The following SLC2A9 variants were observed in gnomAD, a reference collection of about 807,000 sequenced individuals.
The protein encoded by SLC2A9 is solute carrier family 2 member 9, also known as solute carrier family 2, facilitated glucose transporter member 9.
SLC2A9 carries 39 observed loss-of-function variants against 50.6 expected under a neutral mutation model. The ratio of observed to expected loss-of-function variants is 0.77; its 90% CI spans 0.60 to 1.01. The LOEUF (loss-of-function observed/expected upper bound fraction) is 1.01, where lower values mean the gene tolerates loss of function less well. Among genes scored for constraint, SLC2A9 ranks in the 50% least tolerant of loss-of-function variants. SLC2A9 has a pLI of 0.00. For synonymous variants in SLC2A9, 324 were observed against 276.9 expected (o/e 1.17, Z -1.69); for missense variants, 686 against 677.6 (o/e 1.01, Z -0.14).
intron 6 of SLC2A9, among the ~76,000 whole-genome samples, chr4:9,921,198 A>G (rs908662261): frequency 3.9e-5 from 6 of 152,232 alleles, no homozygotes; most frequent in Admixed American, 2.0e-4. Context: ...TTGAGTGGAA[A>G]TAGTCCCAAA....
At chr4:9,875,792 T>A (rs1483258387) in intron 10 of SLC2A9, among the ~76,000 whole-genome samples, 1 of 152,180 alleles carries the variant, frequency 6.6e-6, no homozygotes, top group Non-Finnish European at 1.5e-5. Flanking sequence ...AACTCCAAGC[T>A]CCTGATTGGG....
intron 5 of SLC2A9, among the ~76,000 whole-genome samples, chr4:9,967,912 A>G (rs960238424): frequency 1.3e-5 from 2 of 152,094 alleles, no homozygotes. Context: ...TACAAAAGAA[A>G]TTTTGTATGT....
At chr4:9,885,018 T>C (rs565734600) in intron 10 of SLC2A9, among the ~76,000 whole-genome samples, 1 of 152,216 alleles carries the variant, frequency 6.6e-6, no homozygotes, top group South Asian at 2.1e-4. Context: ...GGGGCCTGTC[T>C]GGGGTGGGAG....
intron 8 of SLC2A9, among the ~76,000 whole-genome samples, chr4:9,904,227 G>C (rs1471103711): frequency 6.6e-6 from 1 of 152,196 alleles, no homozygotes; most frequent in East Asian, 1.9e-4. Context: ...TTGGAAATCA[G>C]AAGTCTAGAA....
chr4:9,941,892 A>G (rs373772605), intron 6 of SLC2A9, 21 bp downstream of exon 6: 60 of 1,613,736 alleles, frequency 3.7e-5, no homozygotes, highest in Admixed American at 6.7e-5. Context: ...GGAGCTGTGC[A>G]GGAAAGGGAA....
chr4:9,771,801 G>A (rs373812480), intron 1 of SLC2A9, among the ~76,000 whole-genome samples: 1 of 152,190 alleles, frequency 6.6e-6, no homozygotes, highest in African/African-American at 2.4e-5. Flanking sequence ...TTGGTGTGGG[G>A]TTTGAAATGT....
intron 3 of SLC2A9, among the ~76,000 whole-genome samples, chr4:9,991,120 T>C (rs1046717948): frequency 6.6e-6 from 1 of 152,222 alleles, no homozygotes; most frequent in African/African-American, 2.4e-5. Flanking sequence ...GGTGTGATTA[T>C]GCCCCAGAGC....
intron 2 of SLC2A9, among the ~76,000 whole-genome samples, chr4:10,000,300 T>C (rs955962198): frequency 1.3e-5 from 2 of 152,162 alleles, no homozygotes; most frequent in African/African-American, 4.8e-5. Context: ...GACACAGAGA[T>C]AAATGGAACA....
At chr4:9,998,548 A>G (rs546217138) in intron 2 of SLC2A9, among the ~76,000 whole-genome samples, 12 of 152,330 alleles carry the variant, frequency 7.9e-5, no homozygotes, top group African/African-American at 2.9e-4. Flanking sequence ...GTCTGCTGGT[A>G]GGAGTTTGAC....
intron 5 of SLC2A9, among the ~76,000 whole-genome samples, chr4:9,946,836 G>GA (rs1261443673): frequency 6.6e-6 from 1 of 152,002 alleles, no homozygotes; most frequent in African/African-American, 2.4e-5. Flanking sequence ...CCCATTCTAG[G>GA]GGCTCATGTC....
In SLC2A9 at chr4:9,920,430, G is replaced by A. The variant is rs770758004; in HGVS notation, c.957C>T (p.Thr319=). 39 of 1,614,020 alleles carry A rather than the reference G, an allele frequency of 2.4e-5. No homozygotes were observed. In the East Asian group the frequency reaches 2.9e-4, roughly 12 times the overall value. Residue 319 remains threonine (T), a synonymous_variant, in exon 7 of 12, where the codon ACC becomes ACT. Transcript: ENST00000264784. ...GGTAGCAGGCCATGGTGACAATCAC[G>A]GTGACCACCTGCCAGCGGACGTAGG... is the stretch of plus-strand genomic sequence containing the variant. ...RAPYVRWQVV[T]VIVTMACYQL... is the part of the protein sequence containing the mutation.
intron 6 of SLC2A9, among the ~76,000 whole-genome samples, chr4:9,941,150 T>C (rs139350408): frequency 3.1e-4 from 47 of 152,328 alleles, no homozygotes; most frequent in Admixed American, 8.5e-4. Flanking sequence ...TCTCATTTTA[T>C]AAAACTAAAA....
At chr4:10,025,605 T>G, upstream of SLC2A9, 1 of 389,098 alleles carries the variant, frequency 2.6e-6, no homozygotes, top group Non-Finnish European at 4.8e-6. Flanking sequence ...GATGACATAA[T>G]CATTGTCAAC....
At chr4:9,871,689 G>C (rs1039937769) in intron 10 of SLC2A9, among the ~76,000 whole-genome samples, 2 of 152,164 alleles carry the variant, frequency 1.3e-5, no homozygotes, top group Non-Finnish European at 2.9e-5. Context: ...GTCACATTCT[G>C]AGGTTCTGAG....
chr4:9,964,382 C>A (rs563605953), intron 5 of SLC2A9, among the ~76,000 whole-genome samples: 2 of 152,168 alleles, frequency 1.3e-5, no homozygotes, highest in Non-Finnish European at 2.9e-5. Context: ...TCTGAAGTGG[C>A]AGGAAGAATG....
chr4:9,808,856 G>A (rs1367797438), intron 3 of SLC2A9, among the ~76,000 whole-genome samples: 1 of 152,110 alleles, frequency 6.6e-6, no homozygotes, highest in South Asian at 2.1e-4. Flanking sequence ...AACTCCAGGG[G>A]CACCATTCAC....
upstream of SLC2A9, among the ~76,000 whole-genome samples, chr4:10,024,840 T>C (rs186727677): frequency 1.9e-3 from 290 of 152,360 alleles, no homozygotes; most frequent in Middle Eastern, 6.8e-3. Context: ...GGGTTTTCTA[T>C]TGAGTATCAT....
At chr4:9,815,077 C>T (rs929824731) in intron 3 of SLC2A9, among the ~76,000 whole-genome samples, 1 of 152,036 alleles carries the variant, frequency 6.6e-6, no homozygotes. Context: ...AGAAAATAAC[C>T]CAATGATATT....
intron 1 of SLC2A9, among the ~76,000 whole-genome samples, chr4:10,030,953 G>A (rs1241074573): frequency 3.9e-5 from 2 of 51,438 alleles, no homozygotes; most frequent in African/African-American, 7.7e-5. Flanking sequence ...AAACTAAGAA[G>A]TTAGCTGCAG....
Sources: gnomAD v4.1 joint callset for allele counts (sites outside exome capture counted in the v4.1 genomes callset) on GRCh38, gnomAD v4.1.1 for gene constraint, MANE v1.5 for transcripts, NCBI Gene and HGNC (gene_info 2026-07-23, HGNC 2026-07-21) for gene names.